The following NSMCE2 variants were observed in gnomAD, a reference collection of about 807,000 sequenced individuals.
NSMCE2 encodes the protein NSE2 SUMO ligase component of SMC5/6 complex, also known as E3 SUMO-protein ligase NSE2.
Under a neutral mutation model 23.8 loss-of-function variants are expected in NSMCE2, and 24 were observed. The ratio of observed to expected loss-of-function variants is 1.01; its 90% CI spans 0.73 to 1.42. The LOEUF is 1.42. Among genes scored for constraint, NSMCE2 ranks in the 40% most tolerant of loss-of-function variants. The pLI is 0.00. For synonymous variants in NSMCE2, 92 were observed against 94.1 expected (o/e 0.98, Z 0.13); for missense variants, 284 against 296.5 (o/e 0.96, Z 0.31).
intron 5 of NSMCE2, among the ~76,000 whole-genome samples, chr8:125,275,979 T>C (rs1827434244): frequency 6.6e-6 from 1 of 152,232 alleles, no homozygotes; most frequent in African/African-American, 2.4e-5. Context: ...TGGCACCCTA[T>C]ATTCCTTTGA....
At chr8:125,147,729 C>T (rs1054673298) in intron 3 of NSMCE2, among the ~76,000 whole-genome samples, 2 of 152,160 alleles carry the variant, frequency 1.3e-5, no homozygotes, top group Non-Finnish European at 2.9e-5. Flanking sequence ...ACCTCCACAA[C>T]CACCCCAACC....
chr8:125,167,140 G>GT (rs1425377853), intron 4 of NSMCE2, among the ~76,000 whole-genome samples: 2 of 152,204 alleles, frequency 1.3e-5, no homozygotes, highest in African/African-American at 4.8e-5. Flanking sequence ...GTAGCTAACT[G>GT]TTTCGATTCT....
chr8:125,102,047 A>T lies in NSMCE2; in HGVS notation c.-110-4A>T. The T allele has an allele frequency of 3.6e-6, 1 of 277,608 alleles. No homozygotes were observed. The highest frequency in any genetic ancestry group is 6.9e-6 in the Non-Finnish European group (1 of 145,916). The allele number at this position is 277,608 out of a possible 1,614,324, so 17.2% of individuals were successfully genotyped here. A position where few individuals can be genotyped will look rare whatever the true frequency, so the allele number is the denominator to read the frequency against. On this transcript the variant is annotated splice_region_variant and splice_polypyrimidine_tract_variant and intron_variant, in intron 1 of 7. Transcript: ENST00000287437. Reference sequence around the variant, plus strand: ...GAACTGTGCTATTGTTGACTTCTTCACAGAATCAAGCACTCTTTTGGAAGA... The same window carrying T: ...GAACTGTGCTATTGTTGACTTCTTCTCAGAATCAAGCACTCTTTTGGAAGA...
rs138214266 is a variant in NSMCE2, at chr8:125,231,348, A to G, written c.418+49092A>G. On this transcript the variant is annotated intron_variant, in intron 5 of 7. Transcript: ENST00000287437. ...TAGCTCATCAGTGAGTTCACAGTCT[A>G]TTGTTCCTTTTTATTTGGCCAGTGT... Among the ~76,000 whole-genome samples, 80 of 152,282 alleles carry G rather than the reference A, an allele frequency of 5.3e-4. 1 individual carries two copies. In the East Asian group the frequency reaches 0.015, roughly 28 times the overall value.
intron 5 of NSMCE2, among the ~76,000 whole-genome samples, chr8:125,335,381 C>G (rs150336571): frequency 6.6e-6 from 1 of 152,292 alleles, no homozygotes; most frequent in Admixed American, 6.5e-5. Context: ...TTCCCCTGTG[C>G]GTATGACAAA....
chr8:125,276,653 G>C (rs188283329), intron 5 of NSMCE2, among the ~76,000 whole-genome samples: 339 of 152,290 alleles, frequency 2.2e-3, no homozygotes, highest in African/African-American at 7.7e-3. Flanking sequence ...TTTGAATAAA[G>C]AAGGAAGGAG....
At chr8:125,201,474 C>T (rs1204677344) in intron 5 of NSMCE2, among the ~76,000 whole-genome samples, 1 of 152,190 alleles carries the variant, frequency 6.6e-6, no homozygotes, top group African/African-American at 2.4e-5. Context: ...CCATTCCAGA[C>T]CTTGTTTGCC....
At chr8:125,128,138 G>A (rs1186981467) in intron 3 of NSMCE2, among the ~76,000 whole-genome samples, 1 of 152,198 alleles carries the variant, frequency 6.6e-6, no homozygotes, top group Non-Finnish European at 1.5e-5. Context: ...AGTGGTAGTA[G>A]GCTCTTGTAA....
At chr8:125,181,390 G>A (rs1822799916) in intron 4 of NSMCE2, among the ~76,000 whole-genome samples, 2 of 152,118 alleles carry the variant, frequency 1.3e-5, no homozygotes, top group Non-Finnish European at 2.9e-5. Flanking sequence ...AATGGATAGC[G>A]AGATAGATAG....
At chr8:125,303,553 G>A (rs1051750548) in intron 5 of NSMCE2, among the ~76,000 whole-genome samples, 7 of 152,036 alleles carry the variant, frequency 4.6e-5, no homozygotes, top group Admixed American at 2.0e-4. Context: ...TGCCAAGAAC[G>A]TCAAAATAAG....
chr8:125,346,039 C>T (rs1031165848), intron 5 of NSMCE2, among the ~76,000 whole-genome samples: 2 of 152,200 alleles, frequency 1.3e-5, no homozygotes, highest in East Asian at 3.8e-4. Flanking sequence ...TGCCTGTAAT[C>T]CCAGCTACTC....
chr8:125,266,894 C>T (rs1045219023), intron 5 of NSMCE2, among the ~76,000 whole-genome samples: 4 of 151,988 alleles, frequency 2.6e-5, no homozygotes, highest in Non-Finnish European at 4.4e-5. Context: ...TCACTATGTC[C>T]TTGGGAATAT....
chr8:125,138,561 T>C (rs10094316), intron 3 of NSMCE2, among the ~76,000 whole-genome samples: 55,749 of 151,872 alleles, frequency 0.37, 13,786 homozygotes, highest in African/African-American at 0.7. Flanking sequence ...ACAAGACCAG[T>C]GTGTGATCAG....
intron 5 of NSMCE2, among the ~76,000 whole-genome samples, chr8:125,265,619 C>T (rs1826879409): frequency 6.6e-6 from 1 of 152,194 alleles, no homozygotes; most frequent in African/African-American, 2.4e-5. Flanking sequence ...GCCTCTCAGG[C>T]AGGTGGCCGC....
At chr8:125,291,974 C>T (rs186974040) in intron 5 of NSMCE2, among the ~76,000 whole-genome samples, 10 of 152,044 alleles carry the variant, frequency 6.6e-5, no homozygotes, top group African/African-American at 2.4e-4. Flanking sequence ...GTGGTTCTGT[C>T]CTCCCGCACT....
chr8:125,332,399 C>A (rs1446620257), intron 5 of NSMCE2, among the ~76,000 whole-genome samples: 1 of 152,108 alleles, frequency 6.6e-6, no homozygotes, highest in Non-Finnish European at 1.5e-5. Context: ...GTGAAATATA[C>A]CTGGGCTTGG....
intron 1 of NSMCE2, among the ~76,000 whole-genome samples, chr8:125,098,843 G>A (rs928951103): frequency 6.6e-6 from 1 of 152,058 alleles, no homozygotes; most frequent in African/African-American, 2.4e-5. Flanking sequence ...CATGTTGGAC[G>A]TTTTAAGTTC....
At chr8:125,217,475 C>G (rs1460420317) in intron 5 of NSMCE2, among the ~76,000 whole-genome samples, 1 of 152,114 alleles carries the variant, frequency 6.6e-6, no homozygotes, top group African/African-American at 2.4e-5. Flanking sequence ...ATTCTCCTGT[C>G]TCAGCCTCCC....
At chr8:125,107,325 C>T (rs1445001114) in intron 3 of NSMCE2, among the ~76,000 whole-genome samples, 2 of 151,518 alleles carry the variant, frequency 1.3e-5, no homozygotes, top group Non-Finnish European at 1.5e-5. Context: ...TCCTGAGTAG[C>T]TCGGATTACA....
Sources: gnomAD v4.1 joint callset for allele counts (sites outside exome capture counted in the v4.1 genomes callset) on GRCh38, gnomAD v4.1.1 for gene constraint, MANE v1.5 for transcripts, NCBI Gene and HGNC (gene_info 2026-07-23, HGNC 2026-07-21) for gene names.